Variants in EXTL2 observed in about 807,000 individuals in gnomAD.
The protein encoded by EXTL2 is exostosin like glycosyltransferase 2.
In EXTL2, 23 loss-of-function variants were observed where a neutral mutation model predicts 30.7. The observed-to-expected ratio is 0.75, with a 90% CI of 0.54 to 1.06. The LOEUF is 1.06. Ranked by LOEUF, EXTL2 falls within the 50% of genes least tolerant of loss-of-function variation. The pLI is 0.00. For missense variants in EXTL2, 352 were observed against 396.3 expected (o/e 0.89, Z 0.95); for synonymous variants, 123 against 133.8 (o/e 0.92, Z 0.56).
intron 1 of EXTL2, among the ~76,000 whole-genome samples, chr1:100,889,249 C>T (rs551846662): frequency 1.3e-4 from 20 of 152,258 alleles, no homozygotes; most frequent in Admixed American, 1.3e-3. Context: ...GGAAAAACTG[C>T]CACTTTTATA....
chr1:100,874,112 C>A lies in EXTL2; in HGVS notation c.823G>T (p.Glu275Ter), dbSNP rs200397805. The change falls in exon 5 of 5, where the codon GAA becomes TAA. Residue 275 changes from glutamate (E) to a stop codon, truncating the protein, a stop_gained. Transcript: ENST00000370114. LOFTEE classifies it high-confidence loss of function. ...ATTCCAGAATAGCCACTGTTGGTTT[C>A]TTTTTCCAAATTGTCCATGTTTACA... ...KPVNMDNLEK[E>*]TNSGYSGMWH... 6.2e-7 allele frequency: 1 copy of A among 1,613,038 alleles called. No individual in the cohort carries two copies. Among genetic ancestry groups the A allele is most frequent in the Non-Finnish European group, 8.5e-7 (1 of 1,179,524 alleles).
At chr1:100,883,712 T>C (rs1265669121) in intron 2 of EXTL2, among the ~76,000 whole-genome samples, 4 of 152,182 alleles carry the variant, frequency 2.6e-5, no homozygotes, top group African/African-American at 4.8e-5. Context: ...TGAACATTCA[T>C]GTACAAGTTT....
chr1:100,884,871 CCTT>C (rs1449013370), intron 2 of EXTL2, among the ~76,000 whole-genome samples: 2 of 152,102 alleles, frequency 1.3e-5, no homozygotes, highest in South Asian at 2.1e-4. Context: ...AAGTTTCTGT[CCTT>C]CTTTATAATC....
intron 2 of EXTL2, among the ~76,000 whole-genome samples, chr1:100,886,413 C>A (rs1357714276): frequency 6.6e-6 from 1 of 152,174 alleles, no homozygotes; most frequent in Non-Finnish European, 1.5e-5. Flanking sequence ...TTGAATGAGC[C>A]ATTTCTTAAC....
chr1:100,881,296 G>A (rs565183114), intron 2 of EXTL2, among the ~76,000 whole-genome samples: 1 of 152,302 alleles, frequency 6.6e-6, no homozygotes, highest in South Asian at 2.1e-4. Flanking sequence ...GTACAATTTG[G>A]AGAATAATGA....
At chr1:100,887,767 C>T (rs181368511) in intron 2 of EXTL2, among the ~76,000 whole-genome samples, 12 of 152,032 alleles carry the variant, frequency 7.9e-5, no homozygotes, top group Admixed American at 7.9e-4. Flanking sequence ...ATAAGTGGCG[C>T]GATCCGGCTC....
chr1:100,884,451 A>G (rs1255486177), intron 2 of EXTL2, among the ~76,000 whole-genome samples: 1 of 152,228 alleles, frequency 6.6e-6, no homozygotes, highest in African/African-American at 2.4e-5. Flanking sequence ...AGAAGATGCA[A>G]AAAGAAAATT....
intron 2 of EXTL2, among the ~76,000 whole-genome samples, chr1:100,882,106 C>T (rs973893194): frequency 1.6e-4 from 24 of 152,216 alleles, no homozygotes; most frequent in African/African-American, 5.3e-4. Flanking sequence ...TCCCCCACCA[C>T]CCATCCATGG....
chr1:100,881,043 C>A, intron 2 of EXTL2: 1 of 984,254 alleles, frequency 1.0e-6, no homozygotes, highest in Non-Finnish European at 1.2e-6. Context: ...CCTAATCCCC[C>A]AATTTTACCT....
chr1:100,883,118 T>A lies in EXTL2; in HGVS notation c.6-5215A>T, dbSNP rs904357531. 7.0e-4 allele frequency among the ~76,000 whole-genome samples: 107 copies of A among 152,208 alleles called. 2 individuals carry two copies. The highest frequency in any genetic ancestry group is 5.9e-4 in the Admixed American group (9 of 15,282). On this transcript the variant is annotated intron_variant, in intron 2 of 4. Coordinates refer to ENST00000370114, the MANE Select transcript of EXTL2 (RefSeq NM_001033025.3). Reference sequence around the variant, plus strand: ...CTCTTTCCACTATGCTAGGGTAAATTCTGCAAGGATGTGTCAAAAAATTAA... The same window carrying A: ...CTCTTTCCACTATGCTAGGGTAAATACTGCAAGGATGTGTCAAAAAATTAA...
intron 2 of EXTL2, chr1:100,881,041 C>T: frequency 1.0e-6 from 1 of 984,166 alleles, no homozygotes; most frequent in Non-Finnish European, 1.2e-6. Flanking sequence ...CTCCTAATCC[C>T]CCAATTTTAC....
At chr1:100,893,099 C>T (rs1650561816) in intron 1 of EXTL2, among the ~76,000 whole-genome samples, 1 of 152,138 alleles carries the variant, frequency 6.6e-6, no homozygotes. Context: ...TAACCTAATG[C>T]AATTAGTTGG....
At chr1:100,884,434 G>A (rs996450778) in intron 2 of EXTL2, among the ~76,000 whole-genome samples, 4 of 152,190 alleles carry the variant, frequency 2.6e-5, no homozygotes, top group Admixed American at 2.6e-4. Context: ...CTGAGCTGAT[G>A]CACGTAAGAA....
rs1650172522 is a variant in EXTL2 at position 100,888,752 on chromosome 1, C to A, written c.5+1G>T. On this transcript the variant is annotated splice_donor_variant, in intron 2 of 4. Transcript: ENST00000370114. LOFTEE classifies it high-confidence loss of function. ...AAAAGCCAAAAAATATTGGTACTTA[C>A]CTCATTGTGTTGAAGTTTAATTTTT... 1 of 1,542,094 alleles carries A rather than the reference C, an allele frequency of 6.5e-7. No homozygotes were observed. Among genetic ancestry groups the A allele is most frequent in the Non-Finnish European group, 8.9e-7 (1 of 1,125,432 alleles).
intron 2 of EXTL2, among the ~76,000 whole-genome samples, chr1:100,882,657 C>G (rs1557956676): frequency 6.6e-6 from 1 of 152,134 alleles, no homozygotes; most frequent in Non-Finnish European, 1.5e-5. Flanking sequence ...CCCATTCCTA[C>G]AAATAAATTA....
At chr1:100,887,402 C>T (rs1262608186) in intron 2 of EXTL2, among the ~76,000 whole-genome samples, 2 of 152,196 alleles carry the variant, frequency 1.3e-5, no homozygotes, top group East Asian at 1.9e-4. Context: ...GTATTTACCA[C>T]GTGCCCAGCA....
At chr1:100,878,139 A>G (rs186919050) in intron 2 of EXTL2, among the ~76,000 whole-genome samples, 3 of 152,236 alleles carry the variant, frequency 2.0e-5, no homozygotes, top group Admixed American at 1.3e-4. Flanking sequence ...TTATACACAC[A>G]AAATTGGAAA....
At chr1:100,875,528 T>C (rs1010872379) in intron 4 of EXTL2, among the ~76,000 whole-genome samples, 50 of 151,914 alleles carry the variant, frequency 3.3e-4, no homozygotes, top group African/African-American at 1.0e-3. Context: ...AATTTCACAA[T>C]TGGCTAGAGA....
intron 2 of EXTL2, among the ~76,000 whole-genome samples, chr1:100,887,594 A>G (rs1650063700): frequency 6.6e-6 from 1 of 152,252 alleles, no homozygotes; most frequent in Non-Finnish European, 1.5e-5. Context: ...TTTGCAGAGA[A>G]GACATTTGAG....
Sources: gnomAD v4.1 joint callset for allele counts (sites outside exome capture counted in the v4.1 genomes callset) on GRCh38, gnomAD v4.1.1 for gene constraint, MANE v1.5 for transcripts, NCBI Gene and HGNC (gene_info 2026-07-23, HGNC 2026-07-21) for gene names.